The following DYM variants were observed in gnomAD, a reference collection of about 807,000 sequenced individuals.
DYM encodes dymeclin, also known as dyggve-Melchior-Clausen syndrome protein.
A neutral mutation model predicts 93.1 loss-of-function variants in DYM; 78 were observed. The ratio of observed to expected loss-of-function variants is 0.84; its 90% CI spans 0.70 to 1.01. The LOEUF (loss-of-function observed/expected upper bound fraction) is 1.01, where lower values mean the gene tolerates loss of function less well. Among genes scored for constraint, DYM ranks in the 50% least tolerant of loss-of-function variants. The pLI is 0.00. For synonymous variants in DYM, 321 were observed against 319.7 expected (o/e 1.00, Z -0.04); for missense variants, 789 against 845.0 (o/e 0.93, Z 0.82).
intron 8 of DYM, chr18:49,321,519 G>A (rs1327823132): frequency 5.1e-6 from 2 of 393,544 alleles, no homozygotes; most frequent in Admixed American, 4.4e-5. Context: ...TATTTCCAAT[G>A]AATATCATTT....
At position 49,055,928 on chromosome 18, in the gene DYM, C is replaced by T. The variant is rs920439976; in HGVS notation, c.2026-11724G>A. ...CACCAAAAGATGAACAAGCAACCAG[C>T]GGCTGACTCTAATGGAACAACGGCT... is the stretch of plus-strand genomic sequence containing the variant. On this transcript the variant is annotated intron_variant, in intron 17 of 17. Coordinates refer to ENST00000675505, the MANE Select transcript of DYM (RefSeq NM_001353214.3). Among the ~76,000 whole-genome samples the T allele has an allele frequency of 2.6e-5, 4 of 152,310 alleles. No homozygotes were observed. The East Asian group carries it at 7.7e-4, about 29-fold the overall frequency.
intron 5 of DYM, among the ~76,000 whole-genome samples, chr18:49,374,076 A>G (rs2067273021): frequency 2.0e-5 from 3 of 152,260 alleles, no homozygotes; most frequent in South Asian, 4.1e-4. Context: ...AACTCAATGT[A>G]TAAAGCACAA....
intron 11 of DYM, among the ~76,000 whole-genome samples, chr18:49,271,720 G>C (rs1362170248): frequency 1.3e-5 from 2 of 151,712 alleles, no homozygotes; most frequent in African/African-American, 4.8e-5. Context: ...ACCAGTTTGG[G>C]AATAAAACTC....
intron 16 of DYM, among the ~76,000 whole-genome samples, chr18:49,117,546 A>T (rs2145958667): frequency 6.6e-6 from 1 of 152,158 alleles, no homozygotes; most frequent in Non-Finnish European, 1.5e-5. Context: ...TTTATCTATT[A>T]TTAATATATA....
intron 2 of DYM, among the ~76,000 whole-genome samples, chr18:49,396,752 T>C (rs1173305751): frequency 1.3e-5 from 2 of 152,118 alleles, no homozygotes; most frequent in Non-Finnish European, 2.9e-5. Context: ...TAAAAATAAA[T>C]GAAATCCCGT....
intron 13 of DYM, among the ~76,000 whole-genome samples, chr18:49,242,250 A>T (rs917900011): frequency 1.3e-5 from 2 of 152,124 alleles, no homozygotes; most frequent in African/African-American, 4.8e-5. Context: ...CATCTCTACT[A>T]AAAATACAAA....
chr18:49,439,201 T>C (rs1274702996), intron 1 of DYM, among the ~76,000 whole-genome samples: 1 of 152,148 alleles, frequency 6.6e-6, no homozygotes, highest in Non-Finnish European at 1.5e-5. Flanking sequence ...GTAATATATA[T>C]AATATAATCA....
intron 16 of DYM, among the ~76,000 whole-genome samples, chr18:49,106,351 C>G (rs534261928): frequency 1.5e-3 from 225 of 152,218 alleles, no homozygotes; most frequent in African/African-American, 4.9e-3. Context: ...GGTCTTGACT[C>G]TTTATCCAAT....
At chr18:49,306,433 C>T (rs371150451) in intron 8 of DYM, among the ~76,000 whole-genome samples, 31 of 152,158 alleles carry the variant, frequency 2.0e-4, no homozygotes, top group Non-Finnish European at 3.2e-4. Context: ...CATATTATCC[C>T]GCTTCTTGAA....
At chr18:49,088,473 A>G (rs191661337) in intron 17 of DYM, among the ~76,000 whole-genome samples, 1 of 151,736 alleles carries the variant, frequency 6.6e-6, no homozygotes, top group Non-Finnish European at 1.5e-5. Context: ...TGACAAGTTA[A>G]TGGGTGCAGC....
intron 17 of DYM, among the ~76,000 whole-genome samples, chr18:49,051,323 C>T (rs565606952): frequency 5.9e-5 from 9 of 152,338 alleles, no homozygotes; most frequent in Admixed American, 2.6e-4. Flanking sequence ...GAGGCCTTGG[C>T]TCTGTCTTGG....
chr18:49,292,932 T>C (rs2060256377), intron 8 of DYM, among the ~76,000 whole-genome samples: 1 of 151,976 alleles, frequency 6.6e-6, no homozygotes, highest in Non-Finnish European at 1.5e-5. Context: ...CCCATCAACC[T>C]GCCATCTACA....
At chr18:49,249,635 G>A (rs1009882735) in intron 13 of DYM, among the ~76,000 whole-genome samples, 4 of 151,684 alleles carry the variant, frequency 2.6e-5, no homozygotes, top group Non-Finnish European at 4.4e-5. Flanking sequence ...AGCTGACCAC[G>A]TAGTTCAACA....
chr18:49,398,342 G>C (rs564910570), intron 2 of DYM, among the ~76,000 whole-genome samples: 1 of 152,118 alleles, frequency 6.6e-6, no homozygotes, highest in African/African-American at 2.4e-5. Flanking sequence ...GAGGTGAGCA[G>C]AGGCAGACAG....
intron 11 of DYM, among the ~76,000 whole-genome samples, chr18:49,262,557 C>CT (rs1167208684): frequency 6.6e-6 from 1 of 152,116 alleles, no homozygotes; most frequent in Non-Finnish European, 1.5e-5. Flanking sequence ...TGTAACCCTC[C>CT]TATATTGATA....
chr18:49,445,055 T>C (rs1470651530), intron 1 of DYM, among the ~76,000 whole-genome samples: 2 of 152,214 alleles, frequency 1.3e-5, no homozygotes, highest in Non-Finnish European at 2.9e-5. Flanking sequence ...AAACCTTTAT[T>C]GCAAAAATTG....
chr18:49,133,005 C>A (rs2083512261), intron 15 of DYM, among the ~76,000 whole-genome samples: 1 of 152,140 alleles, frequency 6.6e-6, no homozygotes, highest in South Asian at 2.1e-4. Flanking sequence ...AAAATATGTT[C>A]AACTTTGCTG....
chr18:49,239,736 C>T (rs1411173025), intron 13 of DYM, among the ~76,000 whole-genome samples: 1 of 152,202 alleles, frequency 6.6e-6, no homozygotes, highest in Non-Finnish European at 1.5e-5. Context: ...ACACTGGACA[C>T]CCAGCCCAGC....
At chr18:49,422,299 CG>C (rs1243704490) in intron 2 of DYM, among the ~76,000 whole-genome samples, 2 of 152,152 alleles carry the variant, frequency 1.3e-5, no homozygotes, top group African/African-American at 4.8e-5. Context: ...AGACTAACAG[CG>C]GATCTCTCGG....
Sources: allele counts gnomAD v4.1 joint callset (sites outside exome capture counted in the v4.1 genomes callset), GRCh38; gene constraint gnomAD v4.1.1; transcripts MANE v1.5; gene names NCBI Gene and HGNC (gene_info 2026-07-23, HGNC 2026-07-21).